ORC4: variants seen among roughly 807,000 people sequenced by gnomAD.
ORC4 encodes origin recognition complex, subunit 4 homolog.
Under a neutral mutation model 63.9 loss-of-function variants are expected in ORC4, and 55 were observed. The observed-to-expected ratio is 0.86, with a 90% CI of 0.69 to 1.08. The LOEUF (loss-of-function observed/expected upper bound fraction) is 1.08. Among genes scored for constraint, ORC4 ranks in the 50% least tolerant of loss-of-function variants. The probability of loss-of-function intolerance (pLI) is 0.00; values close to 1 mark genes in which losing one functional copy is unlikely to be tolerated. For synonymous variants in ORC4, 150 were observed against 168.5 expected, an observed-to-expected ratio of 0.89 and a Z score of 0.85; for missense variants, 511 against 504.4, an observed-to-expected ratio of 1.01 and a Z score of -0.13.
At chr2:147,958,219 C>G in intron 6 of ORC4, 79 bp downstream of exon 6, 1 of 910,562 alleles carries the variant, frequency 1.1e-6, no homozygotes, top group Non-Finnish European at 1.7e-6. Context: ...CCCTACCCTT[C>G]CAGAAATATA....
intron 1 of ORC4, among the ~76,000 whole-genome samples, chr2:147,992,548 T>C: frequency 6.6e-6 from 1 of 152,152 alleles, no homozygotes; most frequent in Non-Finnish European, 1.5e-5. Flanking sequence ...AAACTACACA[T>C]AAATTACAGA....
At chr2:147,980,756 C>A (rs1690836160) in intron 1 of ORC4, among the ~76,000 whole-genome samples, 1 of 152,096 alleles carries the variant, frequency 6.6e-6, no homozygotes, top group African/African-American at 2.4e-5. Flanking sequence ...AACTCTTGTA[C>A]ACTGTTGGTA....
At chr2:147,978,328 C>G (rs1031708857) in intron 1 of ORC4, among the ~76,000 whole-genome samples, 11 of 152,212 alleles carry the variant, frequency 7.2e-5, no homozygotes, top group Non-Finnish European at 1.5e-4. Context: ...GCTTTTTCAG[C>G]ATATGCTATG....
chr2:147,940,632 T>G (rs1688318229), intron 10 of ORC4, among the ~76,000 whole-genome samples: 1 of 150,982 alleles, frequency 6.6e-6, no homozygotes, highest in Non-Finnish European at 1.5e-5. Context: ...GATATATGGA[T>G]ATATATATAT....
chr2:147,930,551 G>A lies in ORC4; in HGVS notation c.*4959C>T, dbSNP rs541546889. Reference sequence around the variant, plus strand: ...ACCTCAGATATTCAACCAGCAGTACGTTTTTTATGCAGTCTCAACCCATAT... The same window carrying A: ...ACCTCAGATATTCAACCAGCAGTACATTTTTTATGCAGTCTCAACCCATAT... On this transcript the variant is annotated 3_prime_UTR_variant, in exon 14 of 14. Transcript: ENST00000392857. The A allele has an allele frequency of 6.6e-6, 1 of 152,376 alleles. No individual in the cohort carries two copies. Among genetic ancestry groups the A allele is most frequent in the South Asian group, 2.1e-4 (1 of 4,818 alleles). The allele number at this position is 152,376 out of a possible 1,614,324, so 9.4% of individuals were successfully genotyped here.
chr2:147,939,026 C>T (rs570345163), intron 11 of ORC4, 114 bp downstream of exon 11: 25 of 709,028 alleles, frequency 3.5e-5, no homozygotes, highest in Middle Eastern at 2.4e-4. Context: ...TATATGGATA[C>T]GAAAGTATTT....
chr2:147,962,997 T>C (rs2105326334), intron 4 of ORC4, among the ~76,000 whole-genome samples: 1 of 152,074 alleles, frequency 6.6e-6, no homozygotes, highest in African/African-American at 2.4e-5. Context: ...TGGCCAAGCA[T>C]CCCTGTGAAC....
intron 8 of ORC4, 68 bp from the exon 9 acceptor site, chr2:147,948,292 A>G (rs1558835143): frequency 5.0e-6 from 5 of 1,004,402 alleles, no homozygotes; most frequent in South Asian, 1.4e-5. Flanking sequence ...CACTGTACCA[A>G]TGTTAGAGGT....
At chr2:147,965,074 C>T (rs1310391529) in intron 4 of ORC4, among the ~76,000 whole-genome samples, 2 of 152,072 alleles carry the variant, frequency 1.3e-5, no homozygotes, top group South Asian at 2.1e-4. Flanking sequence ...GTCTAACATC[C>T]ACAAATGCAA....
intron 4 of ORC4, among the ~76,000 whole-genome samples, 192 bp downstream of exon 4, chr2:147,972,547 C>T (rs1168687129): frequency 1.3e-5 from 2 of 151,542 alleles, no homozygotes; most frequent in Non-Finnish European, 2.9e-5. Flanking sequence ...TCAAATATAC[C>T]ACCCTAAGTT....
chr2:147,960,205 T>A (rs1408103532), intron 4 of ORC4: 1 of 959,784 alleles, frequency 1.0e-6, no homozygotes, highest in Admixed American at 6.2e-5. Context: ...TAAGGAGAGT[T>A]GTAACAGATT....
chr2:147,982,216 T>A (rs1690929644), intron 1 of ORC4: 1 of 152,230 alleles, frequency 6.6e-6, no homozygotes, highest in Non-Finnish European at 1.5e-5. Flanking sequence ...AGTTTTATCT[T>A]ATTCTATTTT....
Position 147,947,502 on chromosome 2 carries a change from A to G in ORC4, c.762+549T>C, listed in dbSNP as rs78238017. 1.1e-3 allele frequency among the ~76,000 whole-genome samples: 173 copies of G among 152,142 alleles called. 2 individuals carry two copies. The East Asian group carries it at 0.028, about 25-fold the overall frequency. ...TGGCAAATCTTTAAAACAACATATG[A>G]ACCTGCCTTTGTATCTAAGACTCTC... is the stretch of plus-strand genomic sequence containing the variant. On this transcript the variant is annotated intron_variant, in intron 9 of 13. Transcript: ENST00000392857.
intron 6 of ORC4, among the ~76,000 whole-genome samples, chr2:147,957,148 T>C (rs1356538944): frequency 6.8e-6 from 1 of 147,630 alleles, no homozygotes; most frequent in Non-Finnish European, 1.5e-5. Flanking sequence ...TAATTACATA[T>C]AATAAACTAT....
upstream of ORC4, chr2:148,021,367 C>T: frequency 2.3e-6 from 1 of 437,074 alleles, no homozygotes; most frequent in South Asian, 1.8e-5. Flanking sequence ...CCCTCCAACT[C>T]GCCTCCCTCC....
chr2:147,931,527 T>A lies in ORC4; in HGVS notation c.*3983A>T. 1 of 152,036 alleles carries A rather than the reference T, an allele frequency of 6.6e-6. No homozygotes were observed. The highest frequency in any genetic ancestry group is 1.5e-5 in the Non-Finnish European group (1 of 67,976). 9.4% of individuals were successfully genotyped at this position (152,036 alleles called of 1,614,324 possible). A position where few individuals can be genotyped will look rare whatever the true frequency, so the allele number is the denominator to read the frequency against. On this transcript the variant is annotated 3_prime_UTR_variant, in exon 14 of 14. Transcript: ENST00000392857. ...ATCCTCTCCAGCACCTGTTGTTTCC[T>A]GACTTTTTAATGATTGCCATTCTAA...
intron 1 of ORC4, among the ~76,000 whole-genome samples, chr2:148,011,014 A>C (rs1692935479): frequency 6.6e-6 from 1 of 151,942 alleles, no homozygotes; most frequent in Admixed American, 6.6e-5. Flanking sequence ...TTTTTTGTAG[A>C]GATGGGGTTT....
At position 147,935,333 on chromosome 2, in the gene ORC4, A is replaced by T; in HGVS notation, c.*177T>A. The T allele has an allele frequency of 1.6e-6, 1 of 610,812 alleles. No homozygotes were observed. The highest frequency in any genetic ancestry group is 2.9e-6 in the Non-Finnish European group (1 of 341,050). The allele number at this position is 610,812 out of a possible 1,614,324, so 37.8% of individuals were successfully genotyped here. A position where few individuals can be genotyped will look rare whatever the true frequency, so the allele number is the denominator to read the frequency against. On this transcript the variant is annotated 3_prime_UTR_variant, in exon 14 of 14. Transcript: ENST00000392857. ...AGTAATCTCAATCAGTGAAATTATAAATCATGTAACTGTTCATGATTAAAA... is the reference window on the plus strand; with the variant it reads ...AGTAATCTCAATCAGTGAAATTATATATCATGTAACTGTTCATGATTAAAA...
chr2:148,010,432 C>T (rs181346715), intron 1 of ORC4, among the ~76,000 whole-genome samples: 2 of 151,360 alleles, frequency 1.3e-5, no homozygotes, highest in Admixed American at 1.3e-4. Context: ...GAAAGACAGA[C>T]AAAATCAATG....
Sources: allele counts gnomAD v4.1 joint callset (sites outside exome capture counted in the v4.1 genomes callset), GRCh38; gene constraint gnomAD v4.1.1; transcripts MANE v1.5; gene names NCBI Gene and HGNC (gene_info 2026-07-23, HGNC 2026-07-21).